The following CNTN5 variants were observed in gnomAD, a reference collection of about 807,000 sequenced individuals.
CNTN5 encodes contactin-5.
In CNTN5, 77 loss-of-function variants were observed where a neutral mutation model predicts 129.1. The observed-to-expected ratio is 0.60, with a 90% confidence interval of 0.50 to 0.72. CNTN5 has a LOEUF of 0.72. Ranked by LOEUF, CNTN5 falls within the 30% of genes least tolerant of loss-of-function variation. The pLI is 0.00. For synonymous variants in CNTN5, 509 were observed against 465.6 expected, an observed-to-expected ratio of 1.09 and a Z score of -1.20; for missense variants, 1,478 against 1,328.8, an observed-to-expected ratio of 1.11 and a Z score of -1.75.
chr11:99,192,034 G>A (rs562478132), intron 1 of CNTN5, among the ~76,000 whole-genome samples: 4 of 151,192 alleles, frequency 2.6e-5, no homozygotes, highest in Non-Finnish European at 5.9e-5. Context: ...TTTTTAAAAA[G>A]ATAAAATTGA....
intron 7 of CNTN5, among the ~76,000 whole-genome samples, chr11:99,933,454 A>G (rs1043088811): frequency 2.6e-5 from 4 of 152,162 alleles, no homozygotes; most frequent in East Asian, 3.9e-4. Context: ...GGCATAGAAC[A>G]TTTCCATCAC....
chr11:99,961,826 C>T (rs1257648464), intron 8 of CNTN5, among the ~76,000 whole-genome samples: 4 of 152,098 alleles, frequency 2.6e-5, no homozygotes, highest in African/African-American at 7.2e-5. Context: ...GCTCCCTGTC[C>T]TCACACCAAA....
At position 99,839,521 on chromosome 11, in the gene CNTN5, C is replaced by T. The variant is rs980930682; in HGVS notation, c.278-5331C>T. Among the ~76,000 whole-genome samples, 5 of 151,940 alleles carry T rather than the reference C, an allele frequency of 3.3e-5. No homozygotes were observed. The South Asian group carries it at 8.3e-4, about 25-fold the overall frequency. On this transcript the variant is annotated intron_variant, in intron 4 of 24. Transcript: ENST00000524871. ...GAAACCGTCAGATTATAGTCAAACT[C>T]CTAACCTAAGGATTTTCCCTGTGAA...
intron 3 of CNTN5, among the ~76,000 whole-genome samples, chr11:99,642,748 T>C (rs1951816132): frequency 6.6e-6 from 1 of 152,154 alleles, no homozygotes; most frequent in Admixed American, 6.5e-5. Context: ...TTCTCCATCC[T>C]CTTCTCCCCT....
intron 18 of CNTN5, among the ~76,000 whole-genome samples, chr11:100,283,782 C>T (rs1950697892): frequency 1.3e-5 from 2 of 151,938 alleles, no homozygotes; most frequent in African/African-American, 4.8e-5. Flanking sequence ...ATCGTCTCTA[C>T]TGAAAATACA....
At chr11:100,232,234 T>G (rs993722012) in intron 16 of CNTN5, among the ~76,000 whole-genome samples, 15 of 152,074 alleles carry the variant, frequency 9.9e-5, no homozygotes, top group Non-Finnish European at 2.2e-4. Flanking sequence ...AAACATTAAC[T>G]TTGAAGAGGA....
intron 2 of CNTN5, among the ~76,000 whole-genome samples, chr11:99,411,405 A>C (rs1231761359): frequency 2.6e-5 from 4 of 152,152 alleles, no homozygotes; most frequent in Non-Finnish European, 5.9e-5. Context: ...CTGTAGTCCC[A>C]GCTATTTGGG....
intron 13 of CNTN5, among the ~76,000 whole-genome samples, chr11:100,124,215 A>C (rs900155470): frequency 1.3e-5 from 2 of 152,090 alleles, no homozygotes; most frequent in African/African-American, 4.8e-5. Context: ...TAAGCAACAA[A>C]GACAGAATAT....
At chr11:99,176,048 T>C (rs80244717) in intron 1 of CNTN5, among the ~76,000 whole-genome samples, 8,768 of 152,268 alleles carry the variant, frequency 0.058, 358 homozygotes, top group African/African-American at 0.11. Context: ...CTGGACGGTT[T>C]ATTTGCTCTT....
At chr11:99,869,360 G>C (rs894556428) in intron 6 of CNTN5, among the ~76,000 whole-genome samples, 13 of 152,036 alleles carry the variant, frequency 8.6e-5, no homozygotes, top group African/African-American at 3.1e-4. Context: ...ATGGCCCTTT[G>C]TGTTATAGAT....
At chr11:99,706,719 C>T (rs1013898081) in intron 3 of CNTN5, among the ~76,000 whole-genome samples, 1 of 151,284 alleles carries the variant, frequency 6.6e-6, no homozygotes, top group African/African-American at 2.4e-5. Context: ...TTCTATCTAT[C>T]TTTTAATTTT....
At chr11:99,116,785 A>G (rs561892866) in intron 1 of CNTN5, among the ~76,000 whole-genome samples, 57 of 152,294 alleles carry the variant, frequency 3.7e-4, no homozygotes, top group African/African-American at 1.3e-3. Context: ...GCGAGTTAGG[A>G]AACAGATGAA....
chr11:99,218,364 C>A (rs1860235099), intron 1 of CNTN5, among the ~76,000 whole-genome samples: 2 of 151,966 alleles, frequency 1.3e-5, no homozygotes, highest in Non-Finnish European at 2.9e-5. Flanking sequence ...ATATACCAAC[C>A]CTCTAGGTCA....
intron 9 of CNTN5, among the ~76,000 whole-genome samples, chr11:100,024,848 C>T (rs1409432896): frequency 6.6e-6 from 1 of 152,074 alleles, no homozygotes; most frequent in African/African-American, 2.4e-5. Flanking sequence ...CAGTTTTATG[C>T]CTTCACAAAT....
intron 16 of CNTN5, among the ~76,000 whole-genome samples, chr11:100,253,031 T>C (rs895384771): frequency 4.6e-5 from 7 of 152,150 alleles, no homozygotes; most frequent in African/African-American, 1.7e-4. Context: ...GGCTTGCATG[T>C]TCAGGGAGTA....
At chr11:99,133,107 C>T (rs1374952509) in intron 1 of CNTN5, among the ~76,000 whole-genome samples, 1 of 152,036 alleles carries the variant, frequency 6.6e-6, no homozygotes, top group Non-Finnish European at 1.5e-5. Flanking sequence ...GGCCACACAC[C>T]TACAACGATC....
intron 1 of CNTN5, among the ~76,000 whole-genome samples, chr11:99,143,735 TA>T (rs1337342498): frequency 1.3e-5 from 2 of 152,208 alleles, no homozygotes; most frequent in Non-Finnish European, 2.9e-5. Context: ...GTAGGAAAGT[TA>T]ATCCCAAATG....
At chr11:99,566,648 G>C (rs1409261358) in intron 3 of CNTN5, among the ~76,000 whole-genome samples, 1 of 152,146 alleles carries the variant, frequency 6.6e-6, no homozygotes, top group Non-Finnish European at 1.5e-5. Context: ...GCAGAAAAGG[G>C]TTATGTATAT....
intron 6 of CNTN5, among the ~76,000 whole-genome samples, chr11:99,866,217 T>A (rs1467755863): frequency 2.6e-5 from 4 of 152,160 alleles, no homozygotes; most frequent in African/African-American, 9.7e-5. Context: ...AGAAAACCAA[T>A]AACCCAAACT....
Sources: allele counts gnomAD v4.1 joint callset (sites outside exome capture counted in the v4.1 genomes callset), GRCh38; gene constraint gnomAD v4.1.1; transcripts MANE v1.5; gene names NCBI Gene and HGNC (gene_info 2026-07-23, HGNC 2026-07-21).